ANK3: variants seen among roughly 807,000 people sequenced by gnomAD.
The protein encoded by ANK3 is ankyrin-3.
A neutral mutation model predicts 370.9 loss-of-function variants in ANK3; 57 were observed. The ratio of observed to expected loss-of-function variants is 0.15; its 90% CI spans 0.12 to 0.19. The LOEUF (loss-of-function observed/expected upper bound fraction) is 0.19. Ranked by LOEUF, ANK3 falls within the 10% of genes least tolerant of loss-of-function variation. The pLI is 1.00. For synonymous variants in ANK3, 1,929 were observed against 1,946.3 expected, an observed-to-expected ratio of 0.99 and a Z score of 0.23; for missense variants, 4,439 against 5,302.1, an observed-to-expected ratio of 0.84 and a Z score of 5.06.
intron 1 of ANK3, among the ~76,000 whole-genome samples, chr10:60,656,535 C>T (rs959076636): frequency 6.6e-6 from 1 of 151,940 alleles, no homozygotes; most frequent in Admixed American, 6.6e-5. Context: ...TTATTTCCTT[C>T]CCTCTGGTTG....
intron 23 of ANK3, among the ~76,000 whole-genome samples, chr10:60,161,170 C>G (rs1036102873): frequency 1.6e-4 from 24 of 152,100 alleles, no homozygotes; most frequent in Non-Finnish European, 1.0e-4. Context: ...CCTATCAGAA[C>G]TGATAAACAA....
At position 60,071,503 on chromosome 10, in the gene ANK3, T is replaced by C. The variant is rs761190139; in HGVS notation, c.9378A>G (p.Gln3126=). The C allele has an allele frequency of 6.2e-7, 1 of 1,614,058 alleles. No individual in the cohort carries two copies. The highest frequency in any genetic ancestry group is 1.7e-5 in the Admixed American group (1 of 60,004). ...KIISQECKTV[Q]ETRGTFYTTR... ...TTGTATAAAAGGTCCCCCTGGTTTCTTGTACTGTCTTACATTCCTGACTTA... is the reference window on the plus strand; with the variant it reads ...TTGTATAAAAGGTCCCCCTGGTTTCCTGTACTGTCTTACATTCCTGACTTA... The change falls in exon 37 of 44, where the codon CAA becomes CAG. Residue 3126 remains glutamine (Q), a synonymous_variant. Coordinates refer to ENST00000280772, the MANE Select transcript of ANK3 (RefSeq NM_020987.5).
chr10:60,088,632 C>T (rs1336356006), intron 28 of ANK3, among the ~76,000 whole-genome samples: 1 of 152,146 alleles, frequency 6.6e-6, no homozygotes, highest in Non-Finnish European at 1.5e-5. Flanking sequence ...TCCATGTTGG[C>T]CAGGATGGTC....
At chr10:60,447,699 C>T (rs1272111392) in intron 2 of ANK3, among the ~76,000 whole-genome samples, 13 of 152,098 alleles carry the variant, frequency 8.5e-5, no homozygotes, top group Admixed American at 2.6e-4. Context: ...TAGTCTCTTG[C>T]CCTCTACCTT....
At chr10:60,035,110 T>G (rs546089552) in intron 43 of ANK3, among the ~76,000 whole-genome samples, 8 of 152,292 alleles carry the variant, frequency 5.3e-5, no homozygotes, top group Admixed American at 2.0e-4. Flanking sequence ...GTTATTATTT[T>G]TATTAGGTAA....
intron 4 of ANK3, among the ~76,000 whole-genome samples, chr10:60,273,059 G>A (rs1231636125): frequency 4.6e-5 from 7 of 152,114 alleles, no homozygotes; most frequent in Non-Finnish European, 8.8e-5. Context: ...CAGACCGGGA[G>A]TTTCTCAAGA....
chr10:60,097,874 G>A (rs1290869610), intron 28 of ANK3, among the ~76,000 whole-genome samples: 1 of 152,160 alleles, frequency 6.6e-6, no homozygotes, highest in Non-Finnish European at 1.5e-5. Context: ...TGTGTATCAG[G>A]GTTAATTTCT....
At chr10:60,331,626 T>C (rs1263398631) in intron 1 of ANK3, among the ~76,000 whole-genome samples, 1 of 151,806 alleles carries the variant, frequency 6.6e-6, no homozygotes, top group African/African-American at 2.4e-5. Flanking sequence ...CAGGTCATTC[T>C]TCAAGCTTGC....
At chr10:60,495,186 T>C (rs2075622486) in intron 2 of ANK3, among the ~76,000 whole-genome samples, 1 of 146,662 alleles carries the variant, frequency 6.8e-6, no homozygotes, top group Non-Finnish European at 1.5e-5. Context: ...TTAAGAAGCT[T>C]TTCTAAAGTT....
chr10:60,495,914 A>G lies in ANK3; in HGVS notation c.96+119272T>C, dbSNP rs7077760. On this transcript the variant is annotated intron_variant, in intron 2 of 43. Transcript: ENST00000373827. ...ATCCCTATTCAGAAAGGCATTTAATAAGTGTTCTTATAGCTGATGTAGTCT... is the reference window on the plus strand; with the variant it reads ...ATCCCTATTCAGAAAGGCATTTAATGAGTGTTCTTATAGCTGATGTAGTCT... Among the ~76,000 whole-genome samples the G allele has an allele frequency of 8.7e-3, 1,322 of 152,242 alleles. 13 individuals are homozygous for G. The highest frequency in any genetic ancestry group is 0.013 in the African/African-American group (520 of 41,558).
intron 1 of ANK3, among the ~76,000 whole-genome samples, chr10:60,648,794 G>A (rs1425308423): frequency 1.6e-5 from 2 of 123,520 alleles, no homozygotes; most frequent in African/African-American, 5.9e-5. Context: ...AATTCTTGCT[G>A]GGAGTAGATA....
chr10:60,428,206 C>T (rs926577412), intron 2 of ANK3, among the ~76,000 whole-genome samples: 2 of 152,172 alleles, frequency 1.3e-5, no homozygotes, highest in Non-Finnish European at 2.9e-5. Flanking sequence ...CTGAATTAAA[C>T]AAGCACATCA....
At chr10:60,299,632 C>A (rs1165430191) in intron 1 of ANK3, among the ~76,000 whole-genome samples, 1 of 152,106 alleles carries the variant, frequency 6.6e-6, no homozygotes, top group Non-Finnish European at 1.5e-5. Context: ...TTAGGTGAAT[C>A]CCTCAGAATC....
At chr10:60,084,444 TA>T (rs1160463980) in intron 32 of ANK3, 157 bp downstream of exon 32, 2 of 397,192 alleles carry the variant, frequency 5.0e-6, no homozygotes, top group Admixed American at 4.4e-5. Context: ...TTAAAAAAGA[TA>T]AAAAAATTTG....
rs775758590 is a variant in ANK3, at chr10:60,315,714, A to AAT, written c.115-36077_115-36076dup. Among the ~76,000 whole-genome samples, 960 of 150,706 alleles carry AAT rather than the reference A, an allele frequency of 6.4e-3. 6 individuals carry two copies. Among genetic ancestry groups the AAT allele is most frequent in the South Asian group, 0.014 (66 of 4,766 alleles). On this transcript the variant is annotated intron_variant, in intron 1 of 43. Transcript: ENST00000280772. ...TTCCACAGGATTTGGGAAAGTTCAA[A>AAT]ATATATATATATATACTGCCACTCT...
intron 1 of ANK3, among the ~76,000 whole-genome samples, chr10:60,622,553 A>AAAGTCACT (rs1595358369): frequency 6.6e-6 from 1 of 152,202 alleles, no homozygotes; most frequent in East Asian, 1.9e-4. Context: ...CTGAGGCTTT[A>AAAGTCACT]AAGTCACTTC....
chr10:60,730,066 G>C (rs990350751), intron 1 of ANK3, among the ~76,000 whole-genome samples: 5 of 152,162 alleles, frequency 3.3e-5, no homozygotes, highest in Non-Finnish European at 7.4e-5. Context: ...TGTAGATTTT[G>C]GAAATGTTAC....
intron 1 of ANK3, among the ~76,000 whole-genome samples, chr10:60,709,236 C>T (rs1250525576): frequency 6.6e-6 from 1 of 152,036 alleles, no homozygotes; most frequent in Non-Finnish European, 1.5e-5. Flanking sequence ...ACACTAAGGG[C>T]TCTGTATTAG....
At chr10:60,625,735 C>T (rs1189874774) in intron 1 of ANK3, among the ~76,000 whole-genome samples, 1 of 151,946 alleles carries the variant, frequency 6.6e-6, no homozygotes, top group Non-Finnish European at 1.5e-5. Context: ...GTTTTATTTG[C>T]CGTGATACTA....
Sources: allele counts gnomAD v4.1 joint callset (sites outside exome capture counted in the v4.1 genomes callset), GRCh38; gene constraint gnomAD v4.1.1; transcripts MANE v1.5; gene names NCBI Gene and HGNC (gene_info 2026-07-23, HGNC 2026-07-21).